The following CADPS2 variants were observed in gnomAD, a reference collection of about 807,000 sequenced individuals.
The protein encoded by CADPS2 is calcium dependent secretion activator 2.
CADPS2 carries 93 observed loss-of-function variants against 172.5 expected under a neutral mutation model. The ratio of observed to expected loss-of-function variants is 0.54; its 90% CI spans 0.46 to 0.64. The LOEUF (loss-of-function observed/expected upper bound fraction) is 0.64, where lower values mean the gene tolerates loss of function less well. Ranked by LOEUF, CADPS2 falls within the 30% of genes least tolerant of loss-of-function variation. The probability of loss-of-function intolerance (pLI) is 0.00; values close to 1 mark genes in which losing one functional copy is unlikely to be tolerated. For synonymous variants in CADPS2, 546 were observed against 555.2 expected, an observed-to-expected ratio of 0.98 and a Z score of 0.23; for missense variants, 1,420 against 1,565.9, an observed-to-expected ratio of 0.91 and a Z score of 1.57.
intron 14 of CADPS2, among the ~76,000 whole-genome samples, chr7:122,471,144 C>G (rs7777602): frequency 6.6e-6 from 1 of 151,616 alleles, no homozygotes; most frequent in African/African-American, 2.4e-5. Flanking sequence ...CATATTTTTT[C>G]TCTCTCTCTC....
In CADPS2 at chr7:122,345,258, T is replaced by C. The variant is rs140989955; in HGVS notation, c.3612+316A>G. On this transcript the variant is annotated intron_variant, in intron 28 of 29. Transcript: ENST00000449022. Reference sequence around the variant, plus strand: ...CTTGTGCTGCAGCCTCTCGAGTAGCTGGGATTACAGGCATCTACCACTACA... The same window carrying C: ...CTTGTGCTGCAGCCTCTCGAGTAGCCGGGATTACAGGCATCTACCACTACA... Among the ~76,000 whole-genome samples the C allele has an allele frequency of 1.6e-3, 244 of 152,298 alleles. 2 individuals carry two copies. The highest frequency in any genetic ancestry group is 5.6e-3 in the African/African-American group (233 of 41,564).
At chr7:122,521,272 G>A (rs1301760551) in intron 8 of CADPS2, among the ~76,000 whole-genome samples, 1 of 152,074 alleles carries the variant, frequency 6.6e-6, no homozygotes, top group African/African-American at 2.4e-5. Flanking sequence ...ACACCTTTCA[G>A]ACACTCATGA....
At chr7:122,545,003 T>A (rs2063481977) in intron 8 of CADPS2, among the ~76,000 whole-genome samples, 1 of 152,156 alleles carries the variant, frequency 6.6e-6, no homozygotes, top group South Asian at 2.1e-4. Flanking sequence ...TCTTCTGGTG[T>A]CTGTAGGCTG....
intron 18 of CADPS2, among the ~76,000 whole-genome samples, chr7:122,415,300 A>T (rs977243955): frequency 6.6e-6 from 1 of 152,178 alleles, no homozygotes; most frequent in Non-Finnish European, 1.5e-5. Context: ...GTTAACTTAC[A>T]TTTCTAAACC....
chr7:122,855,639 T>C (rs1814979478), intron 1 of CADPS2, among the ~76,000 whole-genome samples: 1 of 152,066 alleles, frequency 6.6e-6, no homozygotes, highest in Non-Finnish European at 1.5e-5. Context: ...AGAGATGCCA[T>C]GGAAACAGCA....
chr7:122,771,350 T>A (rs2093698794), intron 1 of CADPS2, among the ~76,000 whole-genome samples: 1 of 152,220 alleles, frequency 6.6e-6, no homozygotes, highest in Admixed American at 6.5e-5. Flanking sequence ...TGGATATTAC[T>A]ATAATGTAAG....
chr7:122,704,352 C>CG (rs1049776426), intron 2 of CADPS2, among the ~76,000 whole-genome samples: 11 of 146,478 alleles, frequency 7.5e-5, no homozygotes, highest in South Asian at 2.2e-4. Flanking sequence ...TACAGGTAGA[C>CG]TTTTTTTTTT....
rs2068786947 is a variant in CADPS2, at chr7:122,581,344, AAGG to A, written c.1224-57_1224-55del. 28 of 1,400,242 alleles carry A rather than the reference AAGG, an allele frequency of 2.0e-5. No individual in the cohort carries two copies. In the Middle Eastern group the frequency reaches 5.4e-4, roughly 27 times the overall value. 86.7% of individuals were successfully genotyped at this position (1,400,242 alleles called of 1,614,324 possible). ...AAAATGCAGCATTATTTTTTTCCCC[AAGG>A]AGATGTGTCTCCATAGAAGGCAAAT... On this transcript the variant is annotated intron_variant, in intron 6 of 29. Coordinates refer to ENST00000449022, the MANE Select transcript of CADPS2 (RefSeq NM_017954.11).
intron 2 of CADPS2, among the ~76,000 whole-genome samples, chr7:122,734,217 A>C (rs1196211165): frequency 6.7e-6 from 1 of 149,992 alleles, no homozygotes; most frequent in African/African-American, 2.4e-5. Flanking sequence ...GACTTATTCT[A>C]AAATATAAAT....
chr7:122,885,573 T>C (rs1824123684), intron 1 of CADPS2, among the ~76,000 whole-genome samples: 1 of 152,164 alleles, frequency 6.6e-6, no homozygotes, highest in Non-Finnish European at 1.5e-5. Flanking sequence ...CTGTTTCGCC[T>C]AGCTACAACA....
chr7:122,481,346 G>A (rs1355094436), intron 11 of CADPS2, among the ~76,000 whole-genome samples: 1 of 152,038 alleles, frequency 6.6e-6, no homozygotes, highest in Non-Finnish European at 1.5e-5. Flanking sequence ...AATTGAAACA[G>A]TTTCCCTTTT....
intron 2 of CADPS2, among the ~76,000 whole-genome samples, chr7:122,718,872 T>C (rs1364489712): frequency 2.0e-5 from 3 of 152,082 alleles, no homozygotes; most frequent in African/African-American, 7.2e-5. Flanking sequence ...TGCCCAACAA[T>C]CAATGGTCAT....
chr7:122,648,032 A>G (rs1588117626), intron 3 of CADPS2, among the ~76,000 whole-genome samples: 2 of 152,298 alleles, frequency 1.3e-5, no homozygotes, highest in African/African-American at 4.8e-5. Flanking sequence ...TGCCCTTATC[A>G]AAGTCAATAG....
chr7:122,589,394 C>T (rs994051197), intron 6 of CADPS2, among the ~76,000 whole-genome samples: 2 of 151,872 alleles, frequency 1.3e-5, no homozygotes, highest in Admixed American at 6.6e-5. Flanking sequence ...AAGCACTGTA[C>T]AAATGTTTTT....
At chr7:122,798,419 C>T (rs1238284933) in intron 1 of CADPS2, among the ~76,000 whole-genome samples, 4 of 152,138 alleles carry the variant, frequency 2.6e-5, no homozygotes, top group African/African-American at 4.8e-5. Context: ...ATATTAAGCT[C>T]CCTATTTAAA....
At chr7:122,615,792 A>T (rs1414423728) in intron 5 of CADPS2, among the ~76,000 whole-genome samples, 2 of 152,094 alleles carry the variant, frequency 1.3e-5, no homozygotes, top group Non-Finnish European at 2.9e-5. Context: ...CACTTATTTG[A>T]GATTACTATT....
intron 17 of CADPS2, among the ~76,000 whole-genome samples, chr7:122,423,827 A>T (rs2048824499): frequency 1.3e-5 from 2 of 152,144 alleles, no homozygotes; most frequent in Non-Finnish European, 1.5e-5. Flanking sequence ...CATTTCTAAC[A>T]AGTTGCCAGG....
intron 28 of CADPS2, among the ~76,000 whole-genome samples, chr7:122,341,153 G>A (rs1320499343): frequency 6.6e-6 from 1 of 152,122 alleles, no homozygotes; most frequent in Non-Finnish European, 1.5e-5. Flanking sequence ...AAAAAAATTT[G>A]GGTTTCAGAA....
chr7:122,854,318 CCATGAT>C (rs1340339506), intron 1 of CADPS2, among the ~76,000 whole-genome samples: 1 of 152,068 alleles, frequency 6.6e-6, no homozygotes, highest in Admixed American at 6.6e-5. Flanking sequence ...CTGTAGTGAG[CCATGAT>C]CATGCCGCTG....
Sources: allele counts gnomAD v4.1 joint callset (sites outside exome capture counted in the v4.1 genomes callset), GRCh38; gene constraint gnomAD v4.1.1; transcripts MANE v1.5; gene names NCBI Gene and HGNC (gene_info 2026-07-23, HGNC 2026-07-21).